The following PRKAR1B variants were observed in gnomAD, a reference collection of about 807,000 sequenced individuals.
The protein encoded by PRKAR1B is cAMP-dependent protein kinase type I-beta regulatory subunit.
In PRKAR1B, 22 loss-of-function variants were observed where a neutral mutation model predicts 46.5. That is an observed-to-expected ratio of 0.47 (90% CI 0.34 to 0.68). The LOEUF (loss-of-function observed/expected upper bound fraction) is 0.68, where lower values mean the gene tolerates loss of function less well. PRKAR1B is among the 30% of genes least tolerant of loss of function. PRKAR1B has a pLI of 0.01. For synonymous variants in PRKAR1B, 259 were observed against 217.7 expected (o/e 1.19, Z -1.67); for missense variants, 445 against 535.6 (o/e 0.83, Z 1.67).
intron 2 of PRKAR1B, among the ~76,000 whole-genome samples, chr7:709,863 G>A (rs1199394720): frequency 3.3e-5 from 5 of 152,072 alleles, no homozygotes; most frequent in African/African-American, 9.7e-5. Context: ...AGACAAGGTC[G>A]AATTCCTGAC....
In PRKAR1B at chr7:727,271, G is replaced by T. The variant is rs1781360857; in HGVS notation, c.-84C>A. Reference sequence around the variant, plus strand: ...CTCGACCCCTTCGCCGCCGTGCGCCGCGAGAGCTGCAGCTGCGCCGCCGCC... The same window carrying T: ...CTCGACCCCTTCGCCGCCGTGCGCCTCGAGAGCTGCAGCTGCGCCGCCGCC... On this transcript the variant is annotated 5_prime_UTR_variant, in exon 1 of 11. Transcript: ENST00000537384. 2 of 1,322,296 alleles carry T rather than the reference G, an allele frequency of 1.5e-6. No individual in the cohort carries two copies. Among genetic ancestry groups the T allele is most frequent in the Non-Finnish European group, 9.6e-7 (1 of 1,040,078 alleles). The allele number at this position is 1,322,296 out of a possible 1,614,324, so 81.9% of individuals were successfully genotyped here. A position where few individuals can be genotyped will look rare whatever the true frequency, so the allele number is the denominator to read the frequency against.
intron 8 of PRKAR1B, among the ~76,000 whole-genome samples, chr7:583,148 C>T (rs1353626274): frequency 2.0e-5 from 3 of 152,016 alleles, no homozygotes; most frequent in Admixed American, 2.0e-4. Context: ...CCGACAACGT[C>T]GTGTGTAGAC....
At chr7:647,157 G>A (rs576516406) in intron 4 of PRKAR1B, among the ~76,000 whole-genome samples, 81 of 152,314 alleles carry the variant, frequency 5.3e-4, no homozygotes, top group African/African-American at 1.9e-3. Context: ...GCCAAAACCA[G>A]CCTGCCTGCC....
At chr7:599,840 A>G (rs1261923508) in intron 6 of PRKAR1B, among the ~76,000 whole-genome samples, 2 of 145,568 alleles carry the variant, frequency 1.4e-5, no homozygotes, top group African/African-American at 5.2e-5. Context: ...CAATGGTGGG[A>G]CAGGGGTGCC....
At chr7:724,975 G>A (rs1299114515) in intron 1 of PRKAR1B, among the ~76,000 whole-genome samples, 1 of 152,250 alleles carries the variant, frequency 6.6e-6, no homozygotes, top group Non-Finnish European at 1.5e-5. Flanking sequence ...AGCACTCTGG[G>A]AGGCTGAGGC....
rs907293121 is a variant in PRKAR1B, at chr7:666,441, G to A, written c.440+10788C>T. On this transcript the variant is annotated intron_variant, in intron 4 of 10. Transcript: ENST00000537384. The surrounding 1 kb of genome is among the most constrained non-coding windows in gnomAD (Gnocchi z 4.9). ...CCAGGTAGGATGCGGAATCTGCTTCGCTCCAATAGCTGACACAAGGTGAGA... is the reference window on the plus strand; with the variant it reads ...CCAGGTAGGATGCGGAATCTGCTTCACTCCAATAGCTGACACAAGGTGAGA... Among the ~76,000 whole-genome samples, 5 of 152,154 alleles carry A rather than the reference G, an allele frequency of 3.3e-5. No individual in the cohort carries two copies. Among genetic ancestry groups the A allele is most frequent in the Admixed American group, 6.5e-5 (1 of 15,286 alleles).
At chr7:627,032 G>A (rs770054746) in intron 4 of PRKAR1B, among the ~76,000 whole-genome samples, 4 of 152,118 alleles carry the variant, frequency 2.6e-5, no homozygotes, top group African/African-American at 7.2e-5. Context: ...CCGCCACCAC[G>A]CCCAACTACT....
intron 8 of PRKAR1B, among the ~76,000 whole-genome samples, chr7:583,123 G>C (rs888715111): frequency 1.2e-4 from 18 of 152,100 alleles, no homozygotes; most frequent in Non-Finnish European, 2.9e-5. Context: ...ACGGGGCTCT[G>C]GGATGGGAGC....
intron 9 of PRKAR1B, among the ~76,000 whole-genome samples, chr7:563,781 A>G (rs1314459706): frequency 6.6e-6 from 1 of 151,088 alleles, no homozygotes; most frequent in East Asian, 2.0e-4. Context: ...GCATGTCTGT[A>G]TGTACATGTG....
intron 8 of PRKAR1B, 31 bp from the exon 9 acceptor site, chr7:579,408 C>T (rs772439097): frequency 9.9e-6 from 16 of 1,609,356 alleles, no homozygotes; most frequent in African/African-American, 5.3e-5. Flanking sequence ...CAGGTCATCC[C>T]GGGGCCCACG....
At chr7:582,734 A>T (rs1265213630) in intron 8 of PRKAR1B, among the ~76,000 whole-genome samples, 1 of 152,146 alleles carries the variant, frequency 6.6e-6, no homozygotes, top group Non-Finnish European at 1.5e-5. Context: ...TGAATGAAGG[A>T]GTCTGTGGGC....
Position 635,944 on chromosome 7 carries a change from ATCCTCCACCGGCCGCGCCCTCACG to A in PRKAR1B, c.441-28516_441-28493del, listed in dbSNP as rs1562578420. ...AAAAGTACCAGCACCGCGCCCACAC[ATCCTCCACCGGCCGCGCCCTCACG>A]TCCTCCACCGGCCGCGCCCTCACGT... On this transcript the variant is annotated intron_variant, in intron 4 of 10. Transcript: ENST00000537384. 4.1e-3 allele frequency among the ~76,000 whole-genome samples: 446 copies of A among 109,132 alleles called. 1 individual carries two copies. Among genetic ancestry groups the A allele is most frequent in the Non-Finnish European group, 4.7e-3 (235 of 49,746 alleles). 71.6% of individuals were successfully genotyped at this position (109,132 alleles called of 152,430 possible). A position where few individuals can be genotyped will look rare whatever the true frequency, so the allele number is the denominator to read the frequency against.
chr7:697,926 G>GGGGAGGGAAGGGAAGGGAC lies in PRKAR1B; in HGVS notation c.177+13384_177+13402dup, dbSNP rs1292960135. ...AGGGAAGGGAAGGGAGGGGAGGGGA[G>GGGGAGGGAAGGGAAGGGAC]GGGAGGGAAGGGAAGGGACGGGAGG... On this transcript the variant is annotated intron_variant, in intron 2 of 10. Transcript: ENST00000537384. 2.4e-4 allele frequency among the ~76,000 whole-genome samples: 29 copies of GGGGAGGGAAGGGAAGGGAC among 120,622 alleles called. 1 individual carries two copies. The highest frequency in any genetic ancestry group is 3.0e-4 in the Non-Finnish European group (17 of 56,498). The allele number at this position is 120,622 out of a possible 152,430, so 79.1% of individuals were successfully genotyped here.
intron 4 of PRKAR1B, among the ~76,000 whole-genome samples, chr7:631,046 G>A (rs1441942110): frequency 2.0e-5 from 3 of 151,500 alleles, no homozygotes; most frequent in Admixed American, 2.0e-4. Flanking sequence ...TCCACCTCCT[G>A]GTTCAAGCGA....
At chr7:615,189 C>T (rs1198065357) in intron 4 of PRKAR1B, among the ~76,000 whole-genome samples, 1 of 151,348 alleles carries the variant, frequency 6.6e-6, no homozygotes, top group Non-Finnish European at 1.5e-5. Flanking sequence ...ACTTTGGAAG[C>T]CCAAGGCAGG....
At chr7:726,756 C>T (rs1323073289) in intron 1 of PRKAR1B, 5 of 1,255,590 alleles carry the variant, frequency 4.0e-6, no homozygotes, top group Non-Finnish European at 5.0e-6. Context: ...CCGTGGCGGC[C>T]CCACACCCGG....
chr7:702,854 A>T (rs967332856), intron 2 of PRKAR1B, among the ~76,000 whole-genome samples: 2 of 151,770 alleles, frequency 1.3e-5, no homozygotes, highest in African/African-American at 4.8e-5. Context: ...AAATACATAA[A>T]TAAATAAATA....
rs35618086 is a variant in PRKAR1B, at chr7:555,766, A to C, written c.892-4296T>G. Among the ~76,000 whole-genome samples the C allele has an allele frequency of 6.9e-3, 1,053 of 152,274 alleles. 4 individuals carry two copies. The highest frequency in any genetic ancestry group is 0.017 in the Middle Eastern group (5 of 294). ...ACACAGTCAGAGTCCCGCTGCCTCC[A>C]CAAGCAGATGACATCCAGCCCTACC... On this transcript the variant is annotated intron_variant, in intron 9 of 10. Coordinates refer to ENST00000537384, the MANE Select transcript of PRKAR1B (RefSeq NM_001164760.2).
chr7:557,189 C>T (rs1205438220), intron 9 of PRKAR1B, among the ~76,000 whole-genome samples: 1 of 152,206 alleles, frequency 6.6e-6, no homozygotes, highest in East Asian at 1.9e-4. Context: ...GGATCAGCAG[C>T]CAAGGAGGGA....
Sources: gnomAD v4.1 joint callset for allele counts (sites outside exome capture counted in the v4.1 genomes callset) on GRCh38, gnomAD v4.1.1 for gene constraint, Gnocchi (gnomAD v3.1) non-coding constraint, MANE v1.5 for transcripts, NCBI Gene and HGNC (gene_info 2026-07-23, HGNC 2026-07-21) for gene names.